GRIA4: variants seen among roughly 807,000 people sequenced by gnomAD.
The protein encoded by GRIA4 is glutamate ionotropic receptor AMPA type subunit 4.
A neutral mutation model predicts 104.0 loss-of-function variants in GRIA4; 34 were observed. The observed-to-expected ratio is 0.33, with a 90% CI of 0.25 to 0.44. GRIA4 has a LOEUF of 0.44. GRIA4 is among the 20% of genes least tolerant of loss of function. GRIA4 has a pLI of 1.00. For synonymous variants in GRIA4, 386 were observed against 381.9 expected (o/e 1.01, Z -0.13); for missense variants, 750 against 1,096.5 (o/e 0.68, Z 4.46).
intron 3 of GRIA4, among the ~76,000 whole-genome samples, chr11:105,666,457 G>A (rs1178592058): frequency 1.3e-5 from 2 of 151,788 alleles, no homozygotes; most frequent in African/African-American, 4.8e-5. Context: ...ATGGTTTCTG[G>A]ATTGCCTGGC....
chr11:105,634,529 A>AAAGAAAGAAGAAAGAAAGAAAAG (rs1565420297), intron 3 of GRIA4, among the ~76,000 whole-genome samples: 73 of 90,106 alleles, frequency 8.1e-4, no homozygotes, highest in Middle Eastern at 5.0e-3. Context: ...AGAAAGAAAG[A>AAAGAAAGAAGAAAGAAAGAAAAG]AAAGAAAGAA....
intron 4 of GRIA4, among the ~76,000 whole-genome samples, chr11:105,813,012 T>G (rs979191035): frequency 5.0e-5 from 7 of 141,066 alleles, no homozygotes; most frequent in Non-Finnish European, 7.5e-5. Context: ...GAAAATGGCG[T>G]GAACCTGGGA....
intron 14 of GRIA4, among the ~76,000 whole-genome samples, chr11:105,949,407 T>C (rs1189856653): frequency 6.6e-6 from 1 of 152,220 alleles, no homozygotes; most frequent in African/African-American, 2.4e-5. Context: ...ACTTCTTATG[T>C]AGTTCTTGCA....
At chr11:105,612,548 G>A in intron 3 of GRIA4, 114 bp downstream of exon 3, 1 of 802,720 alleles carries the variant, frequency 1.2e-6, no homozygotes, top group Admixed American at 2.8e-5. Context: ...TCCCACAGTT[G>A]CCTGGTTTCA....
intron 11 of GRIA4, among the ~76,000 whole-genome samples, chr11:105,919,699 G>C (rs1441252983): frequency 1.3e-5 from 2 of 152,092 alleles, no homozygotes; most frequent in Non-Finnish European, 2.9e-5. Context: ...AATCAAACTG[G>C]CAATTATCAC....
intron 3 of GRIA4, among the ~76,000 whole-genome samples, chr11:105,687,944 A>G (rs926794763): frequency 3.3e-5 from 5 of 152,170 alleles, no homozygotes; most frequent in Non-Finnish European, 5.9e-5. Context: ...ATCAACACCA[A>G]TAGATGACTT....
intron 4 of GRIA4, among the ~76,000 whole-genome samples, chr11:105,783,786 G>GTGTT (rs1941837741): frequency 1.5e-5 from 2 of 136,394 alleles, no homozygotes; most frequent in African/African-American, 5.4e-5. Flanking sequence ...GTGTGTGTGT[G>GTGTT]TATGTGTATG....
In GRIA4 at chr11:105,725,971, T is replaced by G. The variant is rs189048001; in HGVS notation, c.248-27010T>G. Among the ~76,000 whole-genome samples, 629 of 152,220 alleles carry G rather than the reference T, an allele frequency of 4.1e-3. 5 individuals carry two copies. Among genetic ancestry groups the G allele is most frequent in the African/African-American group, 0.014 (584 of 41,536 alleles). On this transcript the variant is annotated intron_variant, in intron 3 of 16. Coordinates refer to ENST00000282499, the MANE Select transcript of GRIA4 (RefSeq NM_000829.4). Reference sequence around the variant, plus strand: ...TTCAAGCACAAAACAGGGTGGCTCTTTGGGCAGACACTGAGCTAGCTGCAG... The same window carrying G: ...TTCAAGCACAAAACAGGGTGGCTCTGTGGGCAGACACTGAGCTAGCTGCAG...
rs1202980472 is a variant in GRIA4 at position 105,918,695 on chromosome 11, T to C, written c.1270-17T>C. The C allele has an allele frequency of 1.7e-6, 2 of 1,187,616 alleles. No individual in the cohort carries two copies. Among genetic ancestry groups the C allele is most frequent in the Non-Finnish European group, 2.5e-6 (2 of 794,288 alleles). 73.6% of individuals were successfully genotyped at this position (1,187,616 alleles called of 1,614,324 possible). A position where few individuals can be genotyped will look rare whatever the true frequency, so the allele number is the denominator to read the frequency against. On this transcript the variant is annotated splice_polypyrimidine_tract_variant and intron_variant, in intron 10 of 16. Coordinates refer to ENST00000282499, the MANE Select transcript of GRIA4 (RefSeq NM_000829.4). ...TTTTATAATTTCTCCTTTACAGTTC[T>C]ACTTCTCTCATTATAGGAATCCCCA... is the stretch of plus-strand genomic sequence containing the variant.
intron 6 of GRIA4, among the ~76,000 whole-genome samples, chr11:105,892,745 C>T (rs1233536469): frequency 6.6e-6 from 1 of 152,154 alleles, no homozygotes; most frequent in Non-Finnish European, 1.5e-5. Context: ...CATCTATCTA[C>T]ATGCATATGA....
chr11:105,980,832 T>C lies in GRIA4; in HGVS notation c.*1093T>C, dbSNP rs1859226141. On this transcript the variant is annotated 3_prime_UTR_variant, in exon 17 of 17. Transcript: ENST00000282499. ...GAAAATGTAGCTAGCCCTCATTATT[T>C]TTTGCATACTAAGCTACCCCTCCTT... 6.6e-6 allele frequency: 1 copy of C among 152,656 alleles called. No individual in the cohort carries two copies. The highest frequency in any genetic ancestry group is 2.4e-5 in the African/African-American group (1 of 41,452). The allele number at this position is 152,656 out of a possible 1,614,324, so 9.5% of individuals were successfully genotyped here. A position where few individuals can be genotyped will look rare whatever the true frequency, so the allele number is the denominator to read the frequency against.
intron 14 of GRIA4, among the ~76,000 whole-genome samples, chr11:105,947,128 A>G (rs932407071): frequency 6.6e-6 from 1 of 152,212 alleles, no homozygotes; most frequent in South Asian, 2.1e-4. Context: ...CATAATATCT[A>G]TTTATGTAGA....
At chr11:105,919,057 T>C (rs935603932) in intron 11 of GRIA4, 139 bp downstream of exon 11, 38 of 584,540 alleles carry the variant, frequency 6.5e-5, no homozygotes, top group Non-Finnish European at 1.1e-4. Flanking sequence ...TGTTTAAATC[T>C]TTCTCTATTT....
chr11:105,739,740 C>T (rs7942635), intron 3 of GRIA4, among the ~76,000 whole-genome samples: 3,984 of 152,104 alleles, frequency 0.026, 138 homozygotes, highest in African/African-American at 0.077. Flanking sequence ...CAAATAATTA[C>T]AGAAAAAGGA....
chr11:105,639,033 T>G (rs983883826), intron 3 of GRIA4, among the ~76,000 whole-genome samples: 1 of 152,124 alleles, frequency 6.6e-6, no homozygotes, highest in Non-Finnish European at 1.5e-5. Flanking sequence ...CATTTTCTCT[T>G]AAAACGATGA....
intron 3 of GRIA4, among the ~76,000 whole-genome samples, chr11:105,642,494 T>C (rs998423053): frequency 7.6e-6 from 1 of 132,238 alleles, no homozygotes. Context: ...CATAAAAAAG[T>C]ATTTCTTAAC....
intron 4 of GRIA4, among the ~76,000 whole-genome samples, chr11:105,782,765 C>T (rs1449575908): frequency 6.6e-6 from 1 of 152,110 alleles, no homozygotes; most frequent in African/African-American, 2.4e-5. Context: ...CTATGTAAGA[C>T]CAAGATGACA....
chr11:105,668,931 A>G (rs1349020814), intron 3 of GRIA4, among the ~76,000 whole-genome samples: 2 of 151,930 alleles, frequency 1.3e-5, no homozygotes, highest in African/African-American at 4.8e-5. Context: ...AGCTCCATGT[A>G]TCTGTCTCTA....
At chr11:105,774,230 A>C (rs1941353998) in intron 4 of GRIA4, among the ~76,000 whole-genome samples, 1 of 151,512 alleles carries the variant, frequency 6.6e-6, no homozygotes, top group Non-Finnish European at 1.5e-5. Flanking sequence ...TGAGGCAAAG[A>C]GGAAATCAAA....
Sources: allele counts gnomAD v4.1 joint callset (sites outside exome capture counted in the v4.1 genomes callset), GRCh38; gene constraint gnomAD v4.1.1; transcripts MANE v1.5; gene names NCBI Gene and HGNC (gene_info 2026-07-23, HGNC 2026-07-21).